The following MPP4 variants were observed in gnomAD, a reference collection of about 807,000 sequenced individuals.
MPP4 encodes MAGUK p55 subfamily member 4.
A neutral mutation model predicts 98.3 loss-of-function variants in MPP4; 91 were observed. That is an observed-to-expected ratio of 0.93 (90% CI 0.78 to 1.10). The LOEUF (loss-of-function observed/expected upper bound fraction) is 1.10. MPP4 is among the 50% of genes least tolerant of loss of function. The pLI is 0.00. For synonymous variants in MPP4, 261 were observed against 271.8 expected (o/e 0.96, Z 0.39); for missense variants, 744 against 792.9 (o/e 0.94, Z 0.74).
intron 18 of MPP4, among the ~76,000 whole-genome samples, chr2:201,654,450 A>G (rs554252586): frequency 6.6e-6 from 1 of 152,196 alleles, no homozygotes; most frequent in Non-Finnish European, 1.5e-5. Context: ...GAAATAGAAA[A>G]AAGCCATTTT....
rs369554245 is a variant in MPP4 at position 201,645,162 on chromosome 2, G to A, written c.*48C>T. 2.5e-5 allele frequency: 37 copies of A among 1,452,374 alleles called. No individual in the cohort carries two copies. The highest frequency in any genetic ancestry group is 1.5e-4 in the Admixed American group (7 of 45,492). 90.0% of individuals were successfully genotyped at this position (1,452,374 alleles called of 1,614,324 possible). A position where few individuals can be genotyped will look rare whatever the true frequency, so the allele number is the denominator to read the frequency against. ...TTGTTTTAGATTGCAACTATGGATC[G>A]CTGTATCAAGGGTACAGTGTTAAAA... On this transcript the variant is annotated 3_prime_UTR_variant, in exon 22 of 22. Transcript: ENST00000409474.
At position 201,664,115 on chromosome 2, in the gene MPP4, T is replaced by C. The variant is rs371414259; in HGVS notation, c.1052-14A>G. On this transcript the variant is annotated splice_polypyrimidine_tract_variant and intron_variant, in intron 13 of 21. Transcript: ENST00000409474. ...ATGTTTCTTCATCTATGATTTTTCA[T>C]GGAGGCAAAAATCAAAAATGTTATT... 55 of 1,526,130 alleles carry C rather than the reference T, an allele frequency of 3.6e-5. No homozygotes were observed. In the African/African-American group the frequency reaches 7.4e-4, roughly 20 times the overall value. The allele number at this position is 1,526,130 out of a possible 1,614,324, so 94.5% of individuals were successfully genotyped here.
At chr2:201,660,280 A>G (rs1687987567) in intron 15 of MPP4, 52 bp downstream of exon 15, 3 of 1,501,390 alleles carry the variant, frequency 2.0e-6, no homozygotes, top group Admixed American at 3.4e-5. Context: ...GAGGCACTGA[A>G]AGATCTTAAA....
intron 6 of MPP4, among the ~76,000 whole-genome samples, 174 bp downstream of exon 6, chr2:201,685,745 G>T (rs769246185): frequency 6.6e-6 from 1 of 152,072 alleles, no homozygotes; most frequent in African/African-American, 2.4e-5. Context: ...AGAAAACACC[G>T]TGACATGTAA....
At position 201,656,418 on chromosome 2, in the gene MPP4, T is replaced by C. The variant is rs550978847; in HGVS notation, c.1130-50A>G. 192 of 1,480,600 alleles carry C rather than the reference T, an allele frequency of 1.3e-4. 2 individuals carry two copies. In the South Asian group the frequency reaches 2.2e-3, roughly 17 times the overall value. The allele number at this position is 1,480,600 out of a possible 1,614,324, so 91.7% of individuals were successfully genotyped here. ...GTAAGAACCAGGCAGGAGAGATCAC[T>C]TGTAGCTTCACACCTGATGAAATAT... On this transcript the variant is annotated intron_variant, in intron 16 of 21. Coordinates refer to ENST00000409474, the MANE Select transcript of MPP4 (RefSeq NM_033066.3).
intron 5 of MPP4, among the ~76,000 whole-genome samples, chr2:201,687,082 T>C (rs1368334408): frequency 1.3e-5 from 2 of 152,220 alleles, no homozygotes; most frequent in African/African-American, 2.4e-5. Context: ...TGCCTCCTCA[T>C]AAACACAGCA....
chr2:201,673,211 C>T (rs747353331), intron 11 of MPP4, among the ~76,000 whole-genome samples: 6 of 152,076 alleles, frequency 3.9e-5, no homozygotes, highest in Non-Finnish European at 7.3e-5. Flanking sequence ...ACTGATGGAA[C>T]GTATCTCAAA....
At chr2:201,646,910 A>T (rs1267473793) in intron 21 of MPP4, 1 of 152,226 alleles carries the variant, frequency 6.6e-6, no homozygotes, top group Non-Finnish European at 1.5e-5. Context: ...ACTGAACTGT[A>T]CACTTAAAAC....
intron 20 of MPP4, among the ~76,000 whole-genome samples, chr2:201,649,051 A>G (rs1687646172): frequency 6.6e-6 from 1 of 152,058 alleles, no homozygotes; most frequent in Non-Finnish European, 1.5e-5. Flanking sequence ...ATGACAGAGC[A>G]GGGCCTTGTC....
intron 1 of MPP4, among the ~76,000 whole-genome samples, chr2:201,695,641 G>A (rs1179755743): frequency 6.6e-6 from 1 of 152,126 alleles, no homozygotes; most frequent in African/African-American, 2.4e-5. Flanking sequence ...ACACACCAAT[G>A]GCAACATGAG....
In MPP4 at chr2:201,675,268, C is replaced by T. The variant is rs1188169628; in HGVS notation, c.933G>A (p.Lys311=). Residue 311 remains lysine (K), a synonymous_variant, in exon 11 of 22, where the codon AAG becomes AAA. Coordinates refer to ENST00000409474, the MANE Select transcript of MPP4 (RefSeq NM_033066.3). ...GCTGAGACCACCAGAATTCCCGTTGCTTCCTATGGGGGGGAAAAAACCATG... is the reference window on the plus strand; with the variant it reads ...GCTGAGACCACCAGAATTCCCGTTGTTTCCTATGGGGGGGAAAAAACCATG... ...LVPSNHLLKR[K]QREFWWSQPY... 2 of 1,607,740 alleles carry T rather than the reference C, an allele frequency of 1.2e-6. No homozygotes were observed. Among genetic ancestry groups the T allele is most frequent in the Admixed American group, 3.4e-5 (2 of 59,190 alleles).
At chr2:201,657,615 T>TTTTTTTTTTTTC (rs1687893270) in intron 16 of MPP4, among the ~76,000 whole-genome samples, 1 of 148,200 alleles carries the variant, frequency 6.7e-6, no homozygotes, top group Non-Finnish European at 1.5e-5. Context: ...TTTTGTTTTT[T>TTTTTTTTTTTTC]TTTGCTTATT....
chr2:201,654,876 T>C lies in MPP4; in HGVS notation c.1342A>G (p.Ile448Val), dbSNP rs774267746. ...VGVNELRRQL[I>V]EFNPSHFQSA... ...TGAAAATGGCTGGGATTAAATTCAA[T>C]AAGTTGTCTTCTGAGCTCATTTACT... is the stretch of plus-strand genomic sequence containing the variant. Residue 448 changes from isoleucine (I) to valine (V), a missense_variant, in exon 18 of 22, where the codon ATT (isoleucine) becomes GTT (valine). Ile to Val is a conservative substitution (Grantham distance 29). Transcript: ENST00000409474. The C allele has an allele frequency of 2.5e-6, 4 of 1,605,578 alleles. No individual in the cohort carries two copies. Among genetic ancestry groups the C allele is most frequent in the Non-Finnish European group, 2.6e-6 (3 of 1,176,116 alleles).
At chr2:201,692,786 T>C in intron 3 of MPP4, 122 bp downstream of exon 3, 1 of 1,387,002 alleles carries the variant, frequency 7.2e-7, no homozygotes, top group South Asian at 1.4e-5. Context: ...CTGTGAGATA[T>C]CAATTTCTGT....
At chr2:201,658,734 C>T (rs964404586) in intron 15 of MPP4, among the ~76,000 whole-genome samples, 2 of 152,202 alleles carry the variant, frequency 1.3e-5, no homozygotes, top group Admixed American at 6.5e-5. Context: ...AGAATTTGAG[C>T]GTTACACTGA....
chr2:201,655,225 A>C (rs996730715), intron 17 of MPP4, among the ~76,000 whole-genome samples: 1 of 152,234 alleles, frequency 6.6e-6, no homozygotes, highest in African/African-American at 2.4e-5. Flanking sequence ...ATTTTAGAGA[A>C]TCAGAGAGCT....
intron 10 of MPP4, among the ~76,000 whole-genome samples, chr2:201,677,126 C>T (rs1688526623): frequency 6.6e-6 from 1 of 152,108 alleles, no homozygotes; most frequent in South Asian, 2.1e-4. Context: ...TGGTTAATTA[C>T]CTGGTAGTCT....
chr2:201,665,521 CTA>C (rs1160996894), intron 13 of MPP4: 1 of 151,996 alleles, frequency 6.6e-6, no homozygotes, highest in Non-Finnish European at 1.5e-5. Context: ...AAATTTTGAA[CTA>C]TGTGAATTGT....
At chr2:201,657,391 T>C (rs1260599107) in intron 16 of MPP4, among the ~76,000 whole-genome samples, 1 of 152,126 alleles carries the variant, frequency 6.6e-6, no homozygotes, top group Non-Finnish European at 1.5e-5. Flanking sequence ...CCAGGTGCTC[T>C]CAGTAGACAG....
Sources: gnomAD v4.1 joint callset for allele counts (sites outside exome capture counted in the v4.1 genomes callset) on GRCh38, gnomAD v4.1.1 for gene constraint, MANE v1.5 for transcripts, NCBI Gene and HGNC (gene_info 2026-07-23, HGNC 2026-07-21) for gene names.